Variants in SH3PXD2A observed in about 807,000 individuals in gnomAD.
SH3PXD2A encodes the protein SH3 and PX domain-containing protein 2A.
In SH3PXD2A, 32 loss-of-function variants were observed where a neutral mutation model predicts 115.2. That is an observed-to-expected ratio of 0.28 (90% CI 0.21 to 0.37). The LOEUF (loss-of-function observed/expected upper bound fraction) is 0.37, where lower values mean the gene tolerates loss of function less well. Ranked by LOEUF, SH3PXD2A falls within the 10% of genes least tolerant of loss-of-function variation. The pLI is 1.00. For missense variants in SH3PXD2A, 1,328 were observed against 1,498.7 expected (o/e 0.89, Z 1.88); for synonymous variants, 610 against 629.1 (o/e 0.97, Z 0.45).
chr10:103,725,373 A>G (rs1453605144), intron 4 of SH3PXD2A, among the ~76,000 whole-genome samples: 5 of 152,114 alleles, frequency 3.3e-5, no homozygotes, highest in Non-Finnish European at 5.9e-5. Context: ...AGTGGGCAGG[A>G]GCACGGCTTG....
intron 5 of SH3PXD2A, among the ~76,000 whole-genome samples, chr10:103,700,743 A>T (rs1275138112): frequency 6.6e-6 from 1 of 152,160 alleles, no homozygotes; most frequent in Non-Finnish European, 1.5e-5. Context: ...GCCACCTGAG[A>T]TCCTGCTCCC....
chr10:103,664,108 G>A (rs1424421775), intron 7 of SH3PXD2A, among the ~76,000 whole-genome samples: 1 of 152,226 alleles, frequency 6.6e-6, no homozygotes. Context: ...AGCAGTGCCT[G>A]TTCCATGCCT....
At chr10:103,648,455 T>G (rs1296613722) in intron 8 of SH3PXD2A, among the ~76,000 whole-genome samples, 1 of 152,208 alleles carries the variant, frequency 6.6e-6, no homozygotes, top group African/African-American at 2.4e-5. Context: ...CTGTTTGTGA[T>G]TACGGGCCCT....
At chr10:103,626,563 G>A in intron 9 of SH3PXD2A, among the ~76,000 whole-genome samples, 1 of 143,004 alleles carries the variant, frequency 7.0e-6, no homozygotes, top group Non-Finnish European at 1.5e-5. Context: ...CAAGGAGAAA[G>A]ACCCTGAAAA....
rs77020286 is a variant in SH3PXD2A, at chr10:103,675,324, G to A, written c.428-6672C>T. 2.7e-4 allele frequency among the ~76,000 whole-genome samples: 41 copies of A among 152,340 alleles called. No individual in the cohort carries two copies. In the East Asian group the frequency reaches 7.7e-3, roughly 29 times the overall value. ...TTTTGCAGTGGATCCTGCAAATTATGTAGCTAGCTATGCCCAAGACCTGAG... is the reference window on the plus strand; with the variant it reads ...TTTTGCAGTGGATCCTGCAAATTATATAGCTAGCTATGCCCAAGACCTGAG... On this transcript the variant is annotated intron_variant, in intron 6 of 14. Coordinates refer to ENST00000369774, the MANE Select transcript of SH3PXD2A (RefSeq NM_001394015.1).
intron 4 of SH3PXD2A, among the ~76,000 whole-genome samples, chr10:103,724,808 T>G (rs1298708248): frequency 4.6e-5 from 7 of 151,368 alleles, no homozygotes; most frequent in Middle Eastern, 3.2e-3. Context: ...AAAAGACCAC[T>G]GAACCCTGGA....
At chr10:103,750,863 C>CTTGCT (rs900550431) in intron 3 of SH3PXD2A, among the ~76,000 whole-genome samples, 1 of 152,162 alleles carries the variant, frequency 6.6e-6, no homozygotes, top group African/African-American at 2.4e-5. Flanking sequence ...TGCTTAAGAG[C>CTTGCT]TTGCTTTGCT....
chr10:103,732,809 G>A (rs1455532247), intron 4 of SH3PXD2A, among the ~76,000 whole-genome samples: 12 of 152,228 alleles, frequency 7.9e-5, no homozygotes, highest in Middle Eastern at 6.3e-3. Context: ...TAGGCAGTAC[G>A]TAGACAAAGG....
In SH3PXD2A at chr10:103,666,931, C is replaced by A. The variant is rs2037390746; in HGVS notation, c.472+1677G>T. Among the ~76,000 whole-genome samples, 1 of 152,128 alleles carries A rather than the reference C, an allele frequency of 6.6e-6. No homozygotes were observed. The highest frequency in any genetic ancestry group is 2.4e-5 in the African/African-American group (1 of 41,434). On this transcript the variant is annotated intron_variant, in intron 7 of 14. Coordinates refer to ENST00000369774, the MANE Select transcript of SH3PXD2A (RefSeq NM_001394015.1). This position sits in a 1 kb window ranked among gnomAD's most constrained non-coding sequence, Gnocchi z 4.5. ...GGCTGTGTCCCTGCAACATGCCCCT[C>A]CCAGACCCTACCTTCAGCAGGTAAC...
intron 2 of SH3PXD2A, among the ~76,000 whole-genome samples, chr10:103,789,926 G>A (rs1034893495): frequency 4.6e-5 from 7 of 152,194 alleles, no homozygotes; most frequent in African/African-American, 1.4e-4. Flanking sequence ...TCAACAATGA[G>A]AGAGGCAGGT....
At chr10:103,839,022 G>A (rs895816166) in intron 1 of SH3PXD2A, among the ~76,000 whole-genome samples, 10 of 152,272 alleles carry the variant, frequency 6.6e-5, no homozygotes, top group Middle Eastern at 3.4e-3. Flanking sequence ...CTAGAAGAAC[G>A]TCTTGGGGCG....
chr10:103,714,144 C>A lies in SH3PXD2A; in HGVS notation c.398+10126G>T, dbSNP rs561616289. Among the ~76,000 whole-genome samples, 4 of 152,248 alleles carry A rather than the reference C, an allele frequency of 2.6e-5. No individual in the cohort carries two copies. In the East Asian group the frequency reaches 7.7e-4, roughly 29 times the overall value. On this transcript the variant is annotated intron_variant, in intron 5 of 14. Transcript: ENST00000369774. The stretch of plus-strand genomic sequence containing the variant: ...TGATAACCACAGGGGAACCAAGACC[C>A]ACCTTGAACACAACATAACAGCAAA...
chr10:103,654,197 G>T (rs2037174754), intron 8 of SH3PXD2A, among the ~76,000 whole-genome samples: 1 of 152,138 alleles, frequency 6.6e-6, no homozygotes, highest in South Asian at 2.1e-4. Flanking sequence ...ATGGGACCCT[G>T]ACTTGTGTCG....
At chr10:103,810,952 G>GCGCGCGCACACACACA (rs549107444) in intron 1 of SH3PXD2A, among the ~76,000 whole-genome samples, 1 of 19,872 alleles carries the variant, frequency 5.0e-5, no homozygotes, top group African/African-American at 1.0e-4. Flanking sequence ...GCGCGCGCGC[G>GCGCGCGCACACACACA]CACACACACA....
At chr10:103,819,492 C>T (rs374581629) in intron 1 of SH3PXD2A, among the ~76,000 whole-genome samples, 1 of 152,048 alleles carries the variant, frequency 6.6e-6, no homozygotes, top group East Asian at 1.9e-4. Context: ...GTGACTGGAG[C>T]CTGGAGCCCA....
chr10:103,657,016 G>A (rs748873282), intron 8 of SH3PXD2A, among the ~76,000 whole-genome samples: 4 of 151,160 alleles, frequency 2.6e-5, no homozygotes, highest in Non-Finnish European at 5.9e-5. Context: ...TCTGTTCTCC[G>A]CTCACAACTC....
At chr10:103,686,362 C>T (rs1243109834) in intron 6 of SH3PXD2A, among the ~76,000 whole-genome samples, 2 of 152,188 alleles carry the variant, frequency 1.3e-5, no homozygotes, top group Non-Finnish European at 2.9e-5. Flanking sequence ...CCTAGTGGCG[C>T]ATCTCAGAAC....
intron 5 of SH3PXD2A, among the ~76,000 whole-genome samples, chr10:103,718,978 G>A (rs1472455316): frequency 1.3e-5 from 2 of 152,230 alleles, no homozygotes; most frequent in African/African-American, 4.8e-5. Context: ...AGAGAACCCA[G>A]AGAGCTTGTT....
rs1477794207 is a variant in SH3PXD2A at position 103,603,242 on chromosome 10, T to G, written c.1976A>C (p.Lys659Thr). The G allele has an allele frequency of 1.2e-6, 2 of 1,613,816 alleles. No individual in the cohort carries two copies. Among genetic ancestry groups the G allele is most frequent in the Non-Finnish European group, 1.7e-6 (2 of 1,179,884 alleles). Residue 659 changes from lysine to threonine, a missense_variant, in exon 15 of 15, where the codon AAA (lysine) becomes ACA (threonine). By Grantham distance (78) the Lys-to-Thr change is moderately conservative (BLOSUM62 -1). Around this residue, in one of 5 missense-constraint regions of SH3PXD2A, gnomAD observed 574 missense variants for 565.7 expected, o/e 1.01. Coordinates refer to ENST00000369774, the MANE Select transcript of SH3PXD2A (RefSeq NM_001394015.1). Reference protein sequence around the residue: ...SLSLTRKNSPKSGSPKSSSLL... With the variant: ...SLSLTRKNSPTSGSPKSSSLL... ...TGATGATGACTTGGGGGAGCCTGAT[T>G]TGGGGGAGTTTTTCCTGGTCAGGGA...
Sources: gnomAD v4.1 joint callset for allele counts (sites outside exome capture counted in the v4.1 genomes callset) on GRCh38, gnomAD v4.1.1 for gene constraint, gnomAD v4.1.1 regional missense constraint, Gnocchi (gnomAD v3.1) non-coding constraint, MANE v1.5 for transcripts, NCBI Gene and HGNC (gene_info 2026-07-23, HGNC 2026-07-21) for gene names.